Variants in COL4A6 observed in about 807,000 individuals in gnomAD.
The protein encoded by COL4A6 is collagen alpha-6(IV) chain.
In COL4A6, 59 loss-of-function variants were observed where a neutral mutation model predicts 126.7. The observed-to-expected ratio is 0.47, with a 90% CI of 0.38 to 0.58. COL4A6 has a LOEUF of 0.58. Ranked by LOEUF, COL4A6 falls within the 20% of genes least tolerant of loss-of-function variation. The pLI, the probability that COL4A6 is intolerant of heterozygous loss-of-function variation, is 0.00. For missense variants in COL4A6, 1,285 were observed against 1,337.3 expected (o/e 0.96, Z 0.61); for synonymous variants, 547 against 496.6 (o/e 1.10, Z -1.35).
intron 2 of COL4A6, among the ~76,000 whole-genome samples, chrX:108,336,815 G>C (rs2039442524): frequency 9.0e-6 from 1 of 110,981 alleles, no homozygotes; most frequent in Non-Finnish European, 1.9e-5. Flanking sequence ...CATAAGCAGA[G>C]CTTTGTTTGG....
At chrX:108,174,239 T>A (rs1300507825) in intron 31 of COL4A6, among the ~76,000 whole-genome samples, 1 of 111,354 alleles carries the variant, frequency 9.0e-6, no homozygotes, top group African/African-American at 3.3e-5. Flanking sequence ...TTCAGGGAGA[T>A]GTGAACAAAA....
chrX:108,243,377 C>T (rs1008223256), intron 3 of COL4A6, among the ~76,000 whole-genome samples: 4 of 110,655 alleles, frequency 3.6e-5, no homozygotes, highest in African/African-American at 1.3e-4. Flanking sequence ...ATAAGAGTGG[C>T]ACCTTGATCC....
At chrX:108,405,927 A>G in intron 2 of COL4A6, among the ~76,000 whole-genome samples, 1 of 110,637 alleles carries the variant, frequency 9.0e-6, no homozygotes, top group East Asian at 2.9e-4. Flanking sequence ...CCCTTACCCT[A>G]TGTGCACTAA....
At chrX:108,414,400 A>G (rs751561976) in intron 2 of COL4A6, among the ~76,000 whole-genome samples, 1 of 111,349 alleles carries the variant, frequency 9.0e-6, no homozygotes, top group Non-Finnish European at 1.9e-5. Flanking sequence ...ATTTCACCAT[A>G]CCAAAACATC....
intron 2 of COL4A6, among the ~76,000 whole-genome samples, chrX:108,408,744 C>T (rs911856773): frequency 9.0e-6 from 1 of 111,482 alleles, no homozygotes; most frequent in Non-Finnish European, 1.9e-5. Context: ...GGTGGATCAC[C>T]TGAAGTTGGG....
chrX:108,179,188 T>G, intron 26 of COL4A6, 29 bp downstream of exon 26: 1 of 1,158,464 alleles, frequency 8.6e-7, no homozygotes, highest in South Asian at 1.8e-5. Context: ...TTCTGTAGAT[T>G]GTTAAATAAT....
Position 108,170,765 on chromosome X carries a change from C to T in COL4A6, c.3385+45G>A, listed in dbSNP as rs746237737. The T allele has an allele frequency of 5.0e-6, 6 of 1,202,006 alleles. No individual in the cohort carries two copies. In the South Asian group the frequency reaches 1.1e-4, roughly 21 times the overall value. On this transcript the variant is annotated intron_variant, in intron 34 of 44. Coordinates refer to ENST00000334504, the MANE Select transcript of COL4A6 (RefSeq NM_033641.4). ...GTTCAGAATGGGGCATGGCTTGAAG[C>T]TAATCCAAACTCTTTCAGAATAAGG...
intron 3 of COL4A6, among the ~76,000 whole-genome samples, chrX:108,242,260 C>T (rs1394467900): frequency 9.0e-6 from 1 of 111,558 alleles, no homozygotes; most frequent in Non-Finnish European, 1.9e-5. Context: ...AAAATTGGTC[C>T]TTTTAGCCAT....
chrX:108,170,154 G>T, intron 35 of COL4A6, 138 bp from the exon 36 acceptor site: 1 of 513,917 alleles, frequency 1.9e-6, no homozygotes, highest in Non-Finnish European at 3.3e-6. Context: ...TTTACTTAAT[G>T]CCCTAAGGGA....
intron 3 of COL4A6, among the ~76,000 whole-genome samples, chrX:108,278,807 T>C (rs2147792915): frequency 9.0e-6 from 1 of 110,736 alleles, no homozygotes; most frequent in East Asian, 2.8e-4. Context: ...GCAGAAACTC[T>C]ACAAGCCAGA....
At chrX:108,246,803 C>G (rs1226906789) in intron 3 of COL4A6, among the ~76,000 whole-genome samples, 2 of 110,770 alleles carry the variant, frequency 1.8e-5, no homozygotes, top group East Asian at 5.7e-4. Context: ...AGGGGGGTAT[C>G]TGAACTCCTT....
intron 3 of COL4A6, among the ~76,000 whole-genome samples, chrX:108,229,483 C>T (rs146128122): frequency 5.0e-3 from 562 of 111,727 alleles, no homozygotes; most frequent in African/African-American, 0.018. Context: ...GCTTCAGCTC[C>T]GGAGTTTCAG....
intron 2 of COL4A6, among the ~76,000 whole-genome samples, chrX:108,340,838 T>G (rs868089654): frequency 7.3e-4 from 46 of 62,979 alleles, no homozygotes; most frequent in East Asian, 1.8e-3. Flanking sequence ...ACTAGTGGGG[T>G]GGGGGGGGGG....
intron 2 of COL4A6, among the ~76,000 whole-genome samples, chrX:108,421,623 T>C (rs1034809804): frequency 1.8e-5 from 2 of 112,105 alleles, no homozygotes; most frequent in Admixed American, 1.9e-4. Context: ...TTGCACGAAA[T>C]CTGGTACTTT....
chrX:108,196,586 G>GA lies in COL4A6; in HGVS notation c.835-8dup, dbSNP rs1569346561. On this transcript the variant is annotated splice_polypyrimidine_tract_variant and splice_region_variant and intron_variant, in intron 13 of 44. Coordinates refer to ENST00000334504, the MANE Select transcript of COL4A6 (RefSeq NM_033641.4). ...CTCCAGTAGTTCCAAGGCCCTAAAT[G>GA]AAAAAAGAAACCACAAGTTATAACG... The GA allele has an allele frequency of 3.4e-6, 4 of 1,176,363 alleles. No individual in the cohort carries two copies. Among genetic ancestry groups the GA allele is most frequent in the Non-Finnish European group, 4.6e-6 (4 of 874,017 alleles).
intron 2 of COL4A6, among the ~76,000 whole-genome samples, chrX:108,371,927 G>A (rs1399014727): frequency 9.2e-6 from 1 of 108,424 alleles, no homozygotes; most frequent in Non-Finnish European, 1.9e-5. Flanking sequence ...TGTAAAAGAT[G>A]GAAAAAAGAG....
chrX:108,418,291 C>A (rs2148262141), intron 2 of COL4A6, among the ~76,000 whole-genome samples: 1 of 112,027 alleles, frequency 8.9e-6, no homozygotes, highest in South Asian at 3.7e-4. Flanking sequence ...AATTCTCTTT[C>A]CTTATGTAAA....
At chrX:108,295,490 A>G (rs895666878) in intron 3 of COL4A6, among the ~76,000 whole-genome samples, 1 of 113,068 alleles carries the variant, frequency 8.8e-6, no homozygotes, top group African/African-American at 3.2e-5. Flanking sequence ...TGTTTAAAAA[A>G]GTGAAAAAAT....
intron 3 of COL4A6, among the ~76,000 whole-genome samples, chrX:108,231,685 T>C (rs1002131977): frequency 8.9e-6 from 1 of 111,832 alleles, no homozygotes; most frequent in South Asian, 3.7e-4. Context: ...CATTGAATGA[T>C]GCTCTGAACG....
Sources: allele counts gnomAD v4.1 joint callset (sites outside exome capture counted in the v4.1 genomes callset), GRCh38; gene constraint gnomAD v4.1.1; transcripts MANE v1.5; gene names NCBI Gene and HGNC (gene_info 2026-07-23, HGNC 2026-07-21).